Variants in CALN1 observed in about 807,000 individuals in gnomAD.
CALN1 encodes calneuron 1.
Under a neutral mutation model 30.6 loss-of-function variants are expected in CALN1, and 17 were observed. That is an observed-to-expected ratio of 0.56 (90% CI 0.38 to 0.83). CALN1 has a LOEUF of 0.83. Among genes scored for constraint, CALN1 ranks in the 40% least tolerant of loss-of-function variants. The probability of loss-of-function intolerance (pLI) is 0.00; values close to 1 mark genes in which losing one functional copy is unlikely to be tolerated. For synonymous variants in CALN1, 156 were observed against 131.4 expected, an observed-to-expected ratio of 1.19 and a Z score of -1.28; for missense variants, 291 against 354.9, an observed-to-expected ratio of 0.82 and a Z score of 1.45.
chr7:72,381,854 A>G (rs1304655788), intron 2 of CALN1, among the ~76,000 whole-genome samples: 1 of 151,970 alleles, frequency 6.6e-6, no homozygotes, highest in Non-Finnish European at 1.5e-5. Flanking sequence ...CCCAGAACTT[A>G]AAGTAAAATT....
At chr7:72,207,185 T>A (rs1181465235) in intron 3 of CALN1, among the ~76,000 whole-genome samples, 1 of 152,202 alleles carries the variant, frequency 6.6e-6, no homozygotes, top group Non-Finnish European at 1.5e-5. Flanking sequence ...TTACGCATCC[T>A]CCCACTCTCT....
the CALN1 span, among the ~76,000 whole-genome samples, chr7:72,487,955 A>AAAGG: frequency 0.063 from 3,387 of 53,860 alleles, 227 homozygotes; most frequent in Non-Finnish European, 0.074. Flanking sequence ...GGAAGGAAGG[A>AAAGG]AAGGAAGGAA....
At chr7:72,311,274 C>T (rs1410811451) in intron 2 of CALN1, among the ~76,000 whole-genome samples, 2 of 152,094 alleles carry the variant, frequency 1.3e-5, no homozygotes, top group African/African-American at 4.8e-5. Flanking sequence ...TTTTACTTTA[C>T]TGTAAGAACA....
In CALN1 at chr7:71,784,609, C is replaced by T. The variant is rs1232391377; in HGVS notation, c.*3166G>A. Reference sequence around the variant, plus strand: ...TCCCCTTCTCTCCCAAGGAAAATGCCTTCTTGCTCATCACTTGTGCTTTCC... The same window carrying T: ...TCCCCTTCTCTCCCAAGGAAAATGCTTTCTTGCTCATCACTTGTGCTTTCC... On this transcript the variant is annotated 3_prime_UTR_variant, in exon 7 of 7. Transcript: ENST00000395275. 7 of 386,884 alleles carry T rather than the reference C, an allele frequency of 1.8e-5. No homozygotes were observed. Among genetic ancestry groups the T allele is most frequent in the Non-Finnish European group, 3.2e-5 (7 of 219,884 alleles). The allele number at this position is 386,884 out of a possible 1,614,324, so 24.0% of individuals were successfully genotyped here. A position where few individuals can be genotyped will look rare whatever the true frequency, so the allele number is the denominator to read the frequency against.
At chr7:71,851,402 C>G (rs959870474) in intron 5 of CALN1, among the ~76,000 whole-genome samples, 8 of 151,778 alleles carry the variant, frequency 5.3e-5, no homozygotes, top group African/African-American at 1.7e-4. Flanking sequence ...GCTTGTGATC[C>G]CAGCTATTCG....
intron 5 of CALN1, among the ~76,000 whole-genome samples, chr7:71,939,129 A>G (rs1562920108): frequency 6.6e-6 from 1 of 152,212 alleles, no homozygotes; most frequent in African/African-American, 2.4e-5. Context: ...TTCTTGCAAC[A>G]CAATGATAGG....
intron 2 of CALN1, among the ~76,000 whole-genome samples, chr7:72,390,410 G>A (rs1024044119): frequency 6.6e-6 from 1 of 152,120 alleles, no homozygotes; most frequent in Admixed American, 6.5e-5. Context: ...TAGCCTGGGT[G>A]ACAGTGCAAG....
At chr7:72,457,004 C>CTTTTTTTTTTTTT in the CALN1 span, among the ~76,000 whole-genome samples, 16 of 106,562 alleles carry the variant, frequency 1.5e-4, no homozygotes, top group Non-Finnish European at 2.2e-4. Flanking sequence ...TTCTTTCTTT[C>CTTTTTTTTTTTTT]TTTTTTTTTT....
At chr7:72,202,982 T>C (rs576041458) in intron 3 of CALN1, among the ~76,000 whole-genome samples, 4 of 152,250 alleles carry the variant, frequency 2.6e-5, no homozygotes, top group Admixed American at 1.3e-4. Context: ...GTGGCACATA[T>C]ACACCATGGA....
chr7:72,204,592 C>T (rs1181299178), intron 3 of CALN1, among the ~76,000 whole-genome samples: 2 of 152,152 alleles, frequency 1.3e-5, no homozygotes, highest in African/African-American at 4.8e-5. Flanking sequence ...AATCACTTTT[C>T]CACCATTTAT....
At chr7:72,479,711 C>T in the CALN1 span, among the ~76,000 whole-genome samples, 1 of 152,008 alleles carries the variant, frequency 6.6e-6, no homozygotes, top group South Asian at 2.1e-4. Flanking sequence ...GCCACCATGC[C>T]CAGTTAATTT....
At chr7:72,450,933 C>A (rs973656030), upstream of CALN1, among the ~76,000 whole-genome samples, 3 of 152,126 alleles carry the variant, frequency 2.0e-5, no homozygotes, top group African/African-American at 7.2e-5. Flanking sequence ...CAACTCTGCC[C>A]TTTCTCCAGT....
chr7:71,963,003 A>G (rs1167984882), intron 5 of CALN1, among the ~76,000 whole-genome samples: 1 of 152,134 alleles, frequency 6.6e-6, no homozygotes, highest in Non-Finnish European at 1.5e-5. Flanking sequence ...AAATACTACA[A>G]AGAGGACAGG....
At chr7:71,911,256 A>G (rs367981247) in intron 5 of CALN1, among the ~76,000 whole-genome samples, 10 of 152,246 alleles carry the variant, frequency 6.6e-5, no homozygotes, top group African/African-American at 2.4e-4. Context: ...ATTTGCTGAG[A>G]ATCACATTAG....
chr7:72,155,597 T>C (rs973926631), intron 3 of CALN1, among the ~76,000 whole-genome samples: 1 of 152,170 alleles, frequency 6.6e-6, no homozygotes, highest in Admixed American at 6.5e-5. Flanking sequence ...CGCATAGAGC[T>C]TCATTTGGAG....
intron 4 of CALN1, among the ~76,000 whole-genome samples, chr7:72,029,957 G>A (rs1801330641): frequency 6.6e-6 from 1 of 152,236 alleles, no homozygotes; most frequent in African/African-American, 2.4e-5. Context: ...GGTGTCCTAA[G>A]TGGGAGCAAT....
At chr7:72,478,634 C>T in the CALN1 span, among the ~76,000 whole-genome samples, 2 of 151,622 alleles carry the variant, frequency 1.3e-5, no homozygotes, top group East Asian at 3.9e-4. Context: ...GATCTCAGGG[C>T]CTAGTAAGGT....
At chr7:72,268,793 C>CCACACACACACACACACACACA (rs3032247) in intron 3 of CALN1, among the ~76,000 whole-genome samples, 3 of 145,832 alleles carry the variant, frequency 2.1e-5, no homozygotes, top group African/African-American at 5.1e-5. Flanking sequence ...CAAGACCCTG[C>CCACACACACACACACACACACA]CACACACACA....
chr7:72,396,713 G>A (rs1200738016), intron 2 of CALN1, among the ~76,000 whole-genome samples: 1 of 152,052 alleles, frequency 6.6e-6, no homozygotes, highest in African/African-American at 2.4e-5. Context: ...TTTCTGCCTG[G>A]GGTCTTTGTT....
Sources: allele counts gnomAD v4.1 joint callset (sites outside exome capture counted in the v4.1 genomes callset), GRCh38; gene constraint gnomAD v4.1.1; transcripts MANE v1.5; gene names NCBI Gene and HGNC (gene_info 2026-07-23, HGNC 2026-07-21).